Variants in CDKAL1 observed in about 807,000 individuals in gnomAD.
CDKAL1 encodes the protein CDKAL1 threonylcarbamoyladenosine tRNA methylthiotransferase.
A neutral mutation model predicts 68.2 loss-of-function variants in CDKAL1; 32 were observed. The observed-to-expected ratio is 0.47, with a 90% confidence interval of 0.35 to 0.63. The LOEUF (loss-of-function observed/expected upper bound fraction) is 0.63, where lower values mean the gene tolerates loss of function less well. CDKAL1 is among the 30% of genes least tolerant of loss of function. The pLI is 0.00. For missense variants in CDKAL1, 606 were observed against 696.7 expected, an observed-to-expected ratio of 0.87 and a Z score of 1.47; for synonymous variants, 234 against 244.3, an observed-to-expected ratio of 0.96 and a Z score of 0.39.
intron 10 of CDKAL1, among the ~76,000 whole-genome samples, chr6:20,979,854 C>T (rs1176416889): frequency 1.3e-5 from 2 of 150,536 alleles, no homozygotes; most frequent in African/African-American, 4.9e-5. Flanking sequence ...TCACTGCAAC[C>T]TCTGCCTCCT....
chr6:20,998,110 T>TA (rs1220596928), intron 10 of CDKAL1, among the ~76,000 whole-genome samples: 1 of 152,182 alleles, frequency 6.6e-6, no homozygotes, highest in Non-Finnish European at 1.5e-5. Context: ...CCGCAATAGA[T>TA]ATGTCTAAAG....
chr6:21,068,553 G>A (rs934064441), intron 12 of CDKAL1, among the ~76,000 whole-genome samples: 4 of 152,014 alleles, frequency 2.6e-5, no homozygotes, highest in Admixed American at 1.3e-4. Flanking sequence ...TACATGTGTG[G>A]GTCTGTCCTG....
chr6:20,770,090 T>A (rs1180865947), intron 7 of CDKAL1, among the ~76,000 whole-genome samples: 1 of 152,172 alleles, frequency 6.6e-6, no homozygotes, highest in Non-Finnish European at 1.5e-5. Flanking sequence ...TTTAAACTTT[T>A]TTTTCTCTTT....
intron 8 of CDKAL1, among the ~76,000 whole-genome samples, chr6:20,805,429 AT>A (rs1411960625): frequency 6.6e-6 from 1 of 152,102 alleles, no homozygotes; most frequent in Non-Finnish European, 1.5e-5. Flanking sequence ...CACTGTTTTT[AT>A]TTTACTTTAT....
chr6:20,660,271 G>T (rs1769224804), intron 5 of CDKAL1, among the ~76,000 whole-genome samples: 1 of 152,086 alleles, frequency 6.6e-6, no homozygotes, highest in Non-Finnish European at 1.5e-5. Context: ...GAGTTTTGAG[G>T]TTAGGATACT....
At chr6:21,082,828 G>A (rs905243841) in intron 12 of CDKAL1, among the ~76,000 whole-genome samples, 4 of 151,616 alleles carry the variant, frequency 2.6e-5, no homozygotes, top group Non-Finnish European at 5.9e-5. Flanking sequence ...TGATATCTTG[G>A]GGATGCGAAC....
chr6:20,844,977 G>A (rs151040093), intron 8 of CDKAL1, among the ~76,000 whole-genome samples: 141 of 152,240 alleles, frequency 9.3e-4, no homozygotes, highest in African/African-American at 3.1e-3. Flanking sequence ...TTATGTGGTC[G>A]GTTAAATAGT....
chr6:20,748,567 A>G (rs1203910067), intron 6 of CDKAL1, among the ~76,000 whole-genome samples: 2 of 24,584 alleles, frequency 8.1e-5, no homozygotes, highest in Admixed American at 3.9e-4. Context: ...AAAAAAAAAA[A>G]AAAAAAAAAA....
At chr6:20,744,040 T>C (rs1304904337) in intron 6 of CDKAL1, among the ~76,000 whole-genome samples, 1 of 152,216 alleles carries the variant, frequency 6.6e-6, no homozygotes, top group African/African-American at 2.4e-5. Context: ...TTGAAACATT[T>C]TACCTTACAG....
In CDKAL1 at chr6:20,765,445, C is replaced by CTT; in HGVS notation, c.517+6802_517+6803insTT. On this transcript the variant is annotated intron_variant, in intron 7 of 15. Transcript: ENST00000274695. ...TGCTGGGATTACAGGCGTGAGCCAC[C>CTT]GCGCCCGGCCGGTTACATTCTTAAA... Among the ~76,000 whole-genome samples, 2 of 30,100 alleles carry CTT rather than the reference C, an allele frequency of 6.6e-5. 1 individual carries two copies. The highest frequency in any genetic ancestry group is 6.8e-4 in the Admixed American group (2 of 2,956). 19.7% of individuals were successfully genotyped at this position (30,100 alleles called of 152,430 possible).
At chr6:20,831,618 T>A (rs771262467) in intron 8 of CDKAL1, among the ~76,000 whole-genome samples, 54 of 152,130 alleles carry the variant, frequency 3.5e-4, no homozygotes, top group Non-Finnish European at 6.8e-4. Context: ...AAGTTTGGCT[T>A]TGGGAAGTGC....
intron 5 of CDKAL1, among the ~76,000 whole-genome samples, chr6:20,713,864 G>T (rs1016802935): frequency 2.0e-5 from 3 of 151,742 alleles, no homozygotes; most frequent in Non-Finnish European, 2.9e-5. Context: ...TACCTGTTTT[G>T]GTTTTTGTAA....
intron 13 of CDKAL1, among the ~76,000 whole-genome samples, chr6:21,131,554 ATTTGATG>A (rs1424198721): frequency 1.3e-5 from 2 of 152,332 alleles, no homozygotes; most frequent in Admixed American, 1.3e-4. Context: ...GTCAAAAGCA[ATTTGATG>A]CAAACTACCC....
intron 9 of CDKAL1, among the ~76,000 whole-genome samples, chr6:20,913,531 A>G (rs1762571802): frequency 6.6e-6 from 1 of 152,166 alleles, no homozygotes; most frequent in Admixed American, 6.5e-5. Flanking sequence ...CTCTGTGGAA[A>G]ACACACCCCA....
At chr6:20,612,829 G>A (rs562124242) in intron 4 of CDKAL1, among the ~76,000 whole-genome samples, 335 of 152,014 alleles carry the variant, frequency 2.2e-3, no homozygotes, top group African/African-American at 7.8e-3. Context: ...CCAATGTCCT[G>A]GAGTGTTTTC....
At chr6:20,852,964 T>C (rs1198998125) in intron 9 of CDKAL1, among the ~76,000 whole-genome samples, 2 of 152,180 alleles carry the variant, frequency 1.3e-5, no homozygotes, top group Non-Finnish European at 1.5e-5. Context: ...CAAGGACAAA[T>C]AGTAAATATT....
intron 5 of CDKAL1, among the ~76,000 whole-genome samples, chr6:20,672,082 T>C (rs967080318): frequency 1.3e-5 from 2 of 152,124 alleles, no homozygotes; most frequent in Non-Finnish European, 1.5e-5. Flanking sequence ...TTATTTATAT[T>C]ATAGTTTGAC....
At position 20,881,013 on chromosome 6, in the gene CDKAL1, A is replaced by T. The variant is rs187678924; in HGVS notation, c.742+34835A>T. On this transcript the variant is annotated intron_variant, in intron 9 of 15. Transcript: ENST00000274695. ...AACTCTGTTACCTGGAGCTTAATAC[A>T]TATGTGATCTAATACAGTATCCTTC... 3.3e-5 allele frequency among the ~76,000 whole-genome samples: 5 copies of T among 152,284 alleles called. No homozygotes were observed. In the East Asian group the frequency reaches 9.7e-4, roughly 29 times the overall value.
chr6:20,625,161 CTCTT>C (rs1364440648), intron 4 of CDKAL1, among the ~76,000 whole-genome samples: 6 of 152,172 alleles, frequency 3.9e-5, no homozygotes, highest in Non-Finnish European at 8.8e-5. Flanking sequence ...GAAGGTATAG[CTCTT>C]TCTAAGAGTA....
Sources: allele counts gnomAD v4.1 joint callset (sites outside exome capture counted in the v4.1 genomes callset), GRCh38; gene constraint gnomAD v4.1.1; transcripts MANE v1.5; gene names NCBI Gene and HGNC (gene_info 2026-07-23, HGNC 2026-07-21).